The following CD99L2 variants were observed in gnomAD, a reference collection of about 807,000 sequenced individuals.
The protein encoded by CD99L2 is CD99 antigen-like protein 2.
CD99L2 carries 24 observed loss-of-function variants against 27.3 expected under a neutral mutation model. That is an observed-to-expected ratio of 0.88 (90% CI 0.64 to 1.24). CD99L2 has a LOEUF of 1.24. CD99L2 is among the 50% of genes most tolerant of loss of function. CD99L2 has a pLI of 0.00. For synonymous variants in CD99L2, 97 were observed against 87.9 expected (o/e 1.10, Z -0.58); for missense variants, 255 against 221.6 (o/e 1.15, Z -0.96).
intron 1 of CD99L2, among the ~76,000 whole-genome samples, chrX:150,850,291 A>G (rs2046769399): frequency 1.8e-5 from 2 of 111,765 alleles, no homozygotes; most frequent in South Asian, 7.5e-4. Context: ...GTGTCCCTTA[A>G]GACATGAACC....
At chrX:150,855,737 A>G (rs782153159) in intron 1 of CD99L2, among the ~76,000 whole-genome samples, 1 of 111,060 alleles carries the variant, frequency 9.0e-6, no homozygotes, top group Non-Finnish European at 1.9e-5. Flanking sequence ...GGAGGCAGAG[A>G]TTGAAGTGAT....
chrX:150,802,485 G>C (rs2045923122), intron 4 of CD99L2, among the ~76,000 whole-genome samples: 1 of 108,203 alleles, frequency 9.2e-6, no homozygotes, highest in Non-Finnish European at 1.9e-5. Flanking sequence ...AATCTTGCTT[G>C]AGTCAGGGAG....
intron 4 of CD99L2, among the ~76,000 whole-genome samples, chrX:150,810,987 A>C (rs1345085264): frequency 8.9e-6 from 1 of 111,953 alleles, no homozygotes; most frequent in African/African-American, 3.2e-5. Context: ...GGATCACCTG[A>C]GCGCAGGAGT....
At chrX:150,804,984 G>A (rs1451013909) in intron 4 of CD99L2, among the ~76,000 whole-genome samples, 2 of 111,711 alleles carry the variant, frequency 1.8e-5, no homozygotes, top group South Asian at 3.7e-4. Flanking sequence ...ACATGAGTTC[G>A]ATACCAGCCT....
chrX:150,789,830 A>T (rs1344765034), intron 7 of CD99L2, among the ~76,000 whole-genome samples: 1 of 112,191 alleles, frequency 8.9e-6, no homozygotes, highest in Non-Finnish European at 1.9e-5. Flanking sequence ...TGCTTCAGTG[A>T]ACTGTGTTTG....
At chrX:150,869,902 T>G (rs2047128843) in intron 1 of CD99L2, among the ~76,000 whole-genome samples, 1 of 110,754 alleles carries the variant, frequency 9.0e-6, no homozygotes. Flanking sequence ...GAGGGAAGAC[T>G]GGGGAGGGAA....
intron 8 of CD99L2, chrX:150,777,215 T>A (rs781879702): frequency 2.3e-6 from 1 of 435,641 alleles, no homozygotes; most frequent in African/African-American, 2.5e-5. Flanking sequence ...CAGAACTGTT[T>A]TAGGGTAAAG....
chrX:150,862,252 G>A (rs1370789968), intron 1 of CD99L2, among the ~76,000 whole-genome samples: 2 of 112,115 alleles, frequency 1.8e-5, no homozygotes, highest in African/African-American at 3.2e-5. Flanking sequence ...CCCAGAGCCT[G>A]TGACTCTTGT....
intron 1 of CD99L2, among the ~76,000 whole-genome samples, chrX:150,861,917 AAGAGAG>A (rs34407146): frequency 2.2e-4 from 23 of 103,269 alleles, no homozygotes; most frequent in African/African-American, 4.9e-4. Flanking sequence ...AAAAAAAAAA[AAGAGAG>A]AGAGAGAGAG....
intron 7 of CD99L2, among the ~76,000 whole-genome samples, chrX:150,789,851 C>G (rs2045659913): frequency 8.9e-6 from 1 of 112,201 alleles, no homozygotes; most frequent in African/African-American, 3.2e-5. Context: ...CATTACTGCA[C>G]TCCAGGCTAG....
intron 4 of CD99L2, among the ~76,000 whole-genome samples, chrX:150,812,607 A>C (rs1432484556): frequency 8.9e-6 from 1 of 112,800 alleles, no homozygotes; most frequent in Non-Finnish European, 1.9e-5. Context: ...TAGGGATTGC[A>C]AAATATTACA....
chrX:150,770,349 C>T lies in CD99L2; in HGVS notation c.676G>A (p.Val226Met), dbSNP rs782177062. The change falls in exon 10 of 11, where the codon GTG (valine) becomes ATG (methionine). Residue 226 changes from valine to methionine, a missense_variant. Val to Met is a conservative substitution (Grantham distance 21). Coordinates refer to ENST00000370377, the MANE Select transcript of CD99L2 (RefSeq NM_031462.4). ...SIQQGLNADY[V>M]KGENLEAVVC... ...ACGGCTTCCAGGTTCTCTCCCTTCA[C>T]GTAGTCTGCGTTGAGACCCTCTGCA... 2.7e-5 allele frequency: 33 copies of T among 1,210,269 alleles called. No homozygotes were observed. The highest frequency in any genetic ancestry group is 2.3e-4 in the Middle Eastern group (1 of 4,346).
chrX:150,790,736 C>T (rs1557419691), intron 7 of CD99L2, among the ~76,000 whole-genome samples: 4 of 111,358 alleles, frequency 3.6e-5, no homozygotes, highest in Admixed American at 2.9e-4. Flanking sequence ...AAAGGAAGAT[C>T]GAAATAATCC....
intron 1 of CD99L2, among the ~76,000 whole-genome samples, chrX:150,837,291 C>T (rs1557421233): frequency 9.1e-6 from 1 of 109,909 alleles, no homozygotes; most frequent in African/African-American, 3.3e-5. Context: ...TTCTTGTCAG[C>T]CAGGCTAGAG....
At chrX:150,890,392 T>TGG (rs1557422773) in intron 1 of CD99L2, among the ~76,000 whole-genome samples, 4 of 108,209 alleles carry the variant, frequency 3.7e-5, no homozygotes, top group East Asian at 3.0e-4. Flanking sequence ...GGCAGGAGAA[T>TGG]CATTTGAACC....
At chrX:150,897,015 A>G (rs782328490) in intron 1 of CD99L2, among the ~76,000 whole-genome samples, 4 of 112,533 alleles carry the variant, frequency 3.6e-5, no homozygotes, top group Non-Finnish European at 7.5e-5. Context: ...CATGTTGAAG[A>G]CTTTCAGAAG....
rs193047862 is a variant in CD99L2, at chrX:150,770,379, G to A, written c.656-10C>T. 1 of 1,205,519 alleles carries A rather than the reference G, an allele frequency of 8.3e-7. No individual in the cohort carries two copies. The highest frequency in any genetic ancestry group is 3.0e-5 in the East Asian group (1 of 33,734). ...TCTGCGTTGAGACCCTCTGCAAAGG[G>A]AAAAGGGCAGAGTTAGTGATGCGCA... On this transcript the variant is annotated splice_polypyrimidine_tract_variant and intron_variant, in intron 9 of 10. Coordinates refer to ENST00000370377, the MANE Select transcript of CD99L2 (RefSeq NM_031462.4).
intron 4 of CD99L2, among the ~76,000 whole-genome samples, chrX:150,801,486 C>T (rs909961128): frequency 2.7e-5 from 3 of 111,385 alleles, no homozygotes; most frequent in East Asian, 5.6e-4. Flanking sequence ...CACTCACTAT[C>T]GTGAGAACAG....
intron 1 of CD99L2, among the ~76,000 whole-genome samples, chrX:150,880,570 T>C (rs962284040): frequency 7.2e-5 from 8 of 111,540 alleles, no homozygotes; most frequent in Non-Finnish European, 1.1e-4. Context: ...GAGGGGCTGG[T>C]AAGGGGTTTC....
Sources: allele counts gnomAD v4.1 joint callset (sites outside exome capture counted in the v4.1 genomes callset), GRCh38; gene constraint gnomAD v4.1.1; transcripts MANE v1.5; gene names NCBI Gene and HGNC (gene_info 2026-07-23, HGNC 2026-07-21).